The following RBMS3 variants were observed in gnomAD, a reference collection of about 807,000 sequenced individuals.
RBMS3 encodes RNA binding motif single stranded interacting protein 3.
RBMS3 carries 27 observed loss-of-function variants against 66.8 expected under a neutral mutation model. The ratio of observed to expected loss-of-function variants is 0.40; its 90% CI spans 0.30 to 0.56. RBMS3 has a LOEUF of 0.56. Among genes scored for constraint, RBMS3 ranks in the 20% least tolerant of loss-of-function variants. RBMS3 has a pLI of 0.40. For missense variants in RBMS3, 513 were observed against 549.5 expected (o/e 0.93, Z 0.66); for synonymous variants, 188 against 183.0 (o/e 1.03, Z -0.22).
At chr3:29,626,995 G>T (rs2049084664) in intron 4 of RBMS3, among the ~76,000 whole-genome samples, 1 of 152,100 alleles carries the variant, frequency 6.6e-6, no homozygotes, top group South Asian at 2.1e-4. Context: ...AGCCTGGGTT[G>T]CTACCCTCGT....
intron 4 of RBMS3, among the ~76,000 whole-genome samples, chr3:29,605,964 G>A (rs1454401548): frequency 7.2e-6 from 1 of 139,428 alleles, no homozygotes; most frequent in African/African-American, 2.9e-5. Flanking sequence ...CATGAAACAA[G>A]GTAGTTTTTT....
Position 29,975,025 on chromosome 3 carries a change from C to T in RBMS3, c.1099-13118C>T, listed in dbSNP as rs13073487. Among the ~76,000 whole-genome samples the T allele has an allele frequency of 1.5e-3, 136 of 90,876 alleles. 11 individuals carry two copies. The highest frequency in any genetic ancestry group is 8.0e-4 in the East Asian group (2 of 2,510). 59.6% of individuals were successfully genotyped at this position (90,876 alleles called of 152,430 possible). On this transcript the variant is annotated intron_variant, in intron 12 of 14. Transcript: ENST00000383767. ...CTATATTTATTTTATATATAAAATA[C>T]GTTTCTATATTTATATATTTTATAT... is the stretch of plus-strand genomic sequence containing the variant.
rs190368855 is a variant in RBMS3, at chr3:29,680,454, G to T, written c.400-59266G>T. On this transcript the variant is annotated intron_variant, in intron 4 of 14. Coordinates refer to ENST00000383767, the MANE Select transcript of RBMS3 (RefSeq NM_001003793.3). Reference sequence around the variant, plus strand: ...TTTCCTAACGCTTCTTTATGAAAAAGAAAATCAAGACTTTCCAGTAACAAG... The same window carrying T: ...TTTCCTAACGCTTCTTTATGAAAAATAAAATCAAGACTTTCCAGTAACAAG... 4.6e-5 allele frequency among the ~76,000 whole-genome samples: 7 copies of T among 152,226 alleles called. No homozygotes were observed. The South Asian group carries it at 1.5e-3, about 32-fold the overall frequency.
At chr3:29,962,568 A>ATATATATATATATATATATAT (rs199824648) in intron 12 of RBMS3, among the ~76,000 whole-genome samples, 29 of 149,464 alleles carry the variant, frequency 1.9e-4, no homozygotes, top group South Asian at 1.3e-3. Context: ...ATATATATAT[A>ATATATATATATATATATATAT]ATACCATACC....
rs77289880 is a variant in RBMS3, at chr3:29,535,931, A to G, written c.307+47432A>G. Among the ~76,000 whole-genome samples, 529 of 151,976 alleles carry G rather than the reference A, an allele frequency of 3.5e-3. 7 individuals carry two copies. The highest frequency in any genetic ancestry group is 0.012 in the African/African-American group (508 of 41,472). ...CTATTAATTACATACATTTCAGAAT[A>G]AGTAGCAAATAGTCATTGTAATAGT... On this transcript the variant is annotated intron_variant, in intron 3 of 14. Transcript: ENST00000383767.
intron 1 of RBMS3, among the ~76,000 whole-genome samples, chr3:29,426,729 T>C (rs1462623876): frequency 6.6e-6 from 1 of 152,156 alleles, no homozygotes; most frequent in Non-Finnish European, 1.5e-5. Context: ...TAAAAAATAA[T>C]TGGCTCTTTA....
chr3:29,542,802 A>G lies in RBMS3; in HGVS notation c.308-44312A>G, dbSNP rs940474601. On this transcript the variant is annotated intron_variant, in intron 3 of 14. Coordinates refer to ENST00000383767, the MANE Select transcript of RBMS3 (RefSeq NM_001003793.3). ...AATTCTTCCTTTCTTTTATTTTAAC[A>G]TCACCTAGGGGCATTTATGTCAAAG... 9.8e-5 allele frequency among the ~76,000 whole-genome samples: 15 copies of G among 152,350 alleles called. No individual in the cohort carries two copies. The East Asian group carries it at 2.9e-3, about 29-fold the overall frequency.
At chr3:29,625,347 T>A (rs896230045) in intron 4 of RBMS3, among the ~76,000 whole-genome samples, 1 of 152,130 alleles carries the variant, frequency 6.6e-6, no homozygotes, top group Non-Finnish European at 1.5e-5. Flanking sequence ...TAGAACCAAC[T>A]TAGAACAAGT....
chr3:29,606,397 G>C (rs543144798), intron 4 of RBMS3, among the ~76,000 whole-genome samples: 1 of 152,020 alleles, frequency 6.6e-6, no homozygotes, highest in East Asian at 1.9e-4. Context: ...AACATTTCAA[G>C]TGTGTTTGAC....
chr3:29,923,379 G>A (rs1253912976), intron 10 of RBMS3, among the ~76,000 whole-genome samples: 3 of 152,304 alleles, frequency 2.0e-5, no homozygotes, highest in Non-Finnish European at 4.4e-5. Context: ...CAAAAACAAC[G>A]TGCCTTTGAA....
intron 3 of RBMS3, among the ~76,000 whole-genome samples, chr3:29,566,762 G>A (rs1326739193): frequency 6.6e-6 from 1 of 152,050 alleles, no homozygotes; most frequent in South Asian, 2.1e-4. Flanking sequence ...GTGTGTGGAG[G>A]TGGCTGCAAA....
intron 10 of RBMS3, among the ~76,000 whole-genome samples, chr3:29,916,547 T>A (rs896312313): frequency 1.8e-4 from 27 of 151,964 alleles, no homozygotes; most frequent in African/African-American, 6.5e-4. Flanking sequence ...CTGTTAATTA[T>A]CATGAAAACT....
chr3:29,469,602 T>C (rs2042651151), intron 2 of RBMS3, among the ~76,000 whole-genome samples: 1 of 151,638 alleles, frequency 6.6e-6, no homozygotes, highest in African/African-American at 2.4e-5. Flanking sequence ...AAAAAAAAGT[T>C]GTAGTAAAAT....
intron 1 of RBMS3, among the ~76,000 whole-genome samples, chr3:29,324,085 C>G (rs2035176951): frequency 1.3e-5 from 2 of 151,418 alleles, no homozygotes; most frequent in Non-Finnish European, 2.9e-5. Flanking sequence ...TAACTCTGGA[C>G]TTTATTAAAA....
At chr3:29,624,983 A>G (rs2049007572) in intron 4 of RBMS3, among the ~76,000 whole-genome samples, 1 of 152,102 alleles carries the variant, frequency 6.6e-6, no homozygotes, top group Admixed American at 6.5e-5. Flanking sequence ...TGATTGGAAC[A>G]TGGGGGTGGG....
At chr3:29,636,294 A>T (rs1176780617) in intron 4 of RBMS3, among the ~76,000 whole-genome samples, 1 of 151,872 alleles carries the variant, frequency 6.6e-6, no homozygotes, top group Non-Finnish European at 1.5e-5. Context: ...AGACAGAATT[A>T]ATTTGAAGTG....
At chr3:29,506,246 C>T (rs2044176734) in intron 3 of RBMS3, among the ~76,000 whole-genome samples, 1 of 151,722 alleles carries the variant, frequency 6.6e-6, no homozygotes, top group South Asian at 2.1e-4. Context: ...TATTGAGATA[C>T]ATTCCTTCTA....
Position 29,743,729 on chromosome 3 carries a change from TC to T in RBMS3, c.557+3853del, listed in dbSNP as rs373930951. Among the ~76,000 whole-genome samples, 331 of 150,812 alleles carry T rather than the reference TC, an allele frequency of 2.2e-3. 2 individuals are homozygous for T. In the Middle Eastern group the frequency reaches 0.024, roughly 11 times the overall value. ...GGGGTGAGACTCAATTATTTGCATTTCTTTTTTTTTTTTTTAAATTTTATTA... is the reference window on the plus strand; with the variant it reads ...GGGGTGAGACTCAATTATTTGCATTTTTTTTTTTTTTTTTAAATTTTATTA... On this transcript the variant is annotated intron_variant, in intron 5 of 14. Coordinates refer to ENST00000383767, the MANE Select transcript of RBMS3 (RefSeq NM_001003793.3).
chr3:29,488,634 A>G (rs2043413295), intron 3 of RBMS3, 135 bp downstream of exon 3: 5 of 613,282 alleles, frequency 8.2e-6, no homozygotes, highest in Non-Finnish European at 1.3e-5. Context: ...AATGATGCCA[A>G]TGTTTTGATA....
Sources: allele counts gnomAD v4.1 joint callset (sites outside exome capture counted in the v4.1 genomes callset), GRCh38; gene constraint gnomAD v4.1.1; transcripts MANE v1.5; gene names NCBI Gene and HGNC (gene_info 2026-07-23, HGNC 2026-07-21).